Variants in PVT1 observed in about 807,000 individuals in gnomAD.
PVT1 encodes CXCR4/PVT1 fusion.
chr8:127,992,804 T>C (rs1003690051), intron 4 of PVT1, among the ~76,000 whole-genome samples: 1 of 152,330 alleles, frequency 6.6e-6, no homozygotes, highest in East Asian at 1.9e-4. Context: ...TGCCTTCCCC[T>C]GGTGTCATCT....
chr8:127,958,325 C>T lies in PVT1; in HGVS notation n.783-30837C>T, dbSNP rs994556314. On this transcript the variant is annotated intron_variant and non_coding_transcript_variant, in intron 3 of 10. Transcript: ENST00000651587. ...CGCGATATCCACTCACTGCAACCTC[C>T]GCCTCCTGGGTTCAAGTGATTGTCC... is the stretch of plus-strand genomic sequence containing the variant. Among the ~76,000 whole-genome samples the T allele has an allele frequency of 5.3e-5, 8 of 152,118 alleles. No homozygotes were observed. The South Asian group carries it at 6.2e-4, about 12-fold the overall frequency.
chr8:127,906,132 A>G (rs1815816878), intron 3 of PVT1, among the ~76,000 whole-genome samples: 1 of 152,176 alleles, frequency 6.6e-6, no homozygotes, highest in Non-Finnish European at 1.5e-5. Flanking sequence ...TCTTGGGCAG[A>G]GCTGGACTGG....
intron 4 of PVT1, among the ~76,000 whole-genome samples, chr8:128,061,075 C>G (rs1037282541): frequency 6.6e-6 from 1 of 152,078 alleles, no homozygotes; most frequent in African/African-American, 2.4e-5. Context: ...ACGTCCAGCT[C>G]AGTTTTGTAT....
At chr8:127,894,372 C>T (rs969632370) in intron 3 of PVT1, among the ~76,000 whole-genome samples, 2 of 152,198 alleles carry the variant, frequency 1.3e-5, no homozygotes, top group Non-Finnish European at 2.9e-5. Flanking sequence ...TGCCAGTTCA[C>T]CTTCTAATCT....
At chr8:128,093,640 A>AT (rs1720330271) in intron 5 of PVT1, among the ~76,000 whole-genome samples, 1 of 151,444 alleles carries the variant, frequency 6.6e-6, no homozygotes, top group Admixed American at 6.6e-5. Context: ...GGCTCTGCAC[A>AT]TTTTTTTCTT....
In PVT1 at chr8:127,879,390, G is replaced by A. The variant is rs149561146; in HGVS notation, n.373-11199G>A. 4.3e-3 allele frequency among the ~76,000 whole-genome samples: 655 copies of A among 152,256 alleles called. 11 individuals are homozygous for A. Among genetic ancestry groups the A allele is most frequent in the Non-Finnish European group, 2.9e-3 (194 of 68,022 alleles). ...CTAAAAATACAAAAATTAGCCGGGC[G>A]TGGTGGCAGGTGCCTGTAATCCTAG... On this transcript the variant is annotated intron_variant and non_coding_transcript_variant, in intron 2 of 10. Transcript: ENST00000651587.
intron 4 of PVT1, among the ~76,000 whole-genome samples, chr8:128,001,021 G>A (rs11775145): frequency 0.25 from 38,388 of 152,170 alleles, 5,077 homozygotes; most frequent in East Asian, 0.41. Context: ...CTCTTGTGAG[G>A]TGTATTTCTG....
At chr8:127,844,036 G>A (rs949284479) in intron 2 of PVT1, among the ~76,000 whole-genome samples, 3 of 151,542 alleles carry the variant, frequency 2.0e-5, no homozygotes, top group Non-Finnish European at 4.4e-5. Context: ...AGGCTGTAGT[G>A]CAGTGGCGCA....
intron 2 of PVT1, among the ~76,000 whole-genome samples, chr8:127,827,680 C>G (rs542606606): frequency 1.8e-4 from 28 of 152,224 alleles, no homozygotes; most frequent in African/African-American, 6.0e-4. Context: ...GAGTTGGCAG[C>G]TCCCTGGAAA....
rs367569004 is a variant in PVT1 at position 128,006,145 on chromosome 8, T to TAAAAAA, written n.912+16856_912+16857insAAAAAA. Among the ~76,000 whole-genome samples the TAAAAAA allele has an allele frequency of 1.6e-3, 212 of 134,354 alleles. 2 individuals carry two copies. Among genetic ancestry groups the TAAAAAA allele is most frequent in the South Asian group, 0.011 (46 of 4,232 alleles). 88.1% of individuals were successfully genotyped at this position (134,354 alleles called of 152,430 possible). ...ATAATAATAATAATAATAATAATAA[T>TAAAAAA]AATAAAAAGATAAGGGAAATTTGGG... On this transcript the variant is annotated intron_variant and non_coding_transcript_variant, in intron 4 of 10. Coordinates refer to ENST00000651587, the Ensembl canonical transcript of PVT1.
chr8:128,002,428 C>T (rs549666937), intron 4 of PVT1, among the ~76,000 whole-genome samples: 1 of 152,324 alleles, frequency 6.6e-6, no homozygotes, highest in African/African-American at 2.4e-5. Context: ...GCTGCTATAA[C>T]AAAGTACCAC....
intron 4 of PVT1, among the ~76,000 whole-genome samples, chr8:128,040,270 A>G (rs1813514927): frequency 1.3e-5 from 2 of 152,216 alleles, no homozygotes; most frequent in African/African-American, 4.8e-5. Context: ...GCCTCATCCA[A>G]TAGTTGAAGG....
chr8:127,869,701 G>A (rs1441848631), intron 2 of PVT1, among the ~76,000 whole-genome samples: 1 of 152,132 alleles, frequency 6.6e-6, no homozygotes, highest in Non-Finnish European at 1.5e-5. Context: ...TTACCTTATA[G>A]TAGAAGAACA....
intron 3 of PVT1, among the ~76,000 whole-genome samples, chr8:127,935,300 C>G (rs576944297): frequency 6.6e-6 from 1 of 152,220 alleles, no homozygotes; most frequent in African/African-American, 2.4e-5. Context: ...TAAGCCTCTT[C>G]CTTTAGAAGG....
chr8:127,854,904 G>T (rs1031105136), intron 2 of PVT1: 2 of 356,770 alleles, frequency 5.6e-6, no homozygotes, highest in South Asian at 1.5e-4. Context: ...GTGCACTGAG[G>T]TTGTGAATTC....
At chr8:127,838,564 G>T (rs1237132414) in intron 2 of PVT1, among the ~76,000 whole-genome samples, 1 of 152,146 alleles carries the variant, frequency 6.6e-6, no homozygotes, top group Admixed American at 6.5e-5. Flanking sequence ...ACTTAGCTGG[G>T]TGTGCTGGCA....
intron 2 of PVT1, among the ~76,000 whole-genome samples, chr8:127,832,900 T>C (rs149489576): frequency 0.041 from 6,297 of 152,070 alleles, 198 homozygotes; most frequent in Admixed American, 0.076. Context: ...ATAAGGTAAA[T>C]AGAATTCAGG....
intron 4 of PVT1, among the ~76,000 whole-genome samples, chr8:128,057,660 T>C (rs577266313): frequency 3.9e-5 from 6 of 152,210 alleles, no homozygotes; most frequent in Non-Finnish European, 8.8e-5. Flanking sequence ...GTTCAGCCTT[T>C]CAGTTCATAA....
chr8:127,912,150 T>C (rs1176788167), intron 3 of PVT1, among the ~76,000 whole-genome samples: 1 of 152,214 alleles, frequency 6.6e-6, no homozygotes, highest in Non-Finnish European at 1.5e-5. Context: ...AGTTTGAACA[T>C]CCTGGCATTC....
Sources: allele counts gnomAD v4.1 joint callset (sites outside exome capture counted in the v4.1 genomes callset), GRCh38; gene constraint gnomAD v4.1.1; transcripts MANE v1.5; gene names NCBI Gene and HGNC (gene_info 2026-07-23, HGNC 2026-07-21).